Variants in AGBL4 observed in about 807,000 individuals in gnomAD.
AGBL4 encodes AGBL carboxypeptidase 4, also known as cytosolic carboxypeptidase 6.
AGBL4 carries 58 observed loss-of-function variants against 66.4 expected under a neutral mutation model. The ratio of observed to expected loss-of-function variants is 0.87; its 90% CI spans 0.71 to 1.09. The LOEUF (loss-of-function observed/expected upper bound fraction) is 1.09. Among genes scored for constraint, AGBL4 ranks in the 50% least tolerant of loss-of-function variants. The pLI is 0.00. For synonymous variants in AGBL4, 234 were observed against 222.9 expected (o/e 1.05, Z -0.44); for missense variants, 579 against 631.0 (o/e 0.92, Z 0.88).
At chr1:49,763,133 G>T (rs1464266232) in intron 2 of AGBL4, among the ~76,000 whole-genome samples, 1 of 152,170 alleles carries the variant, frequency 6.6e-6, no homozygotes, top group African/African-American at 2.4e-5. Context: ...TCCATAGATT[G>T]TCTTTTCCCA....
intron 2 of AGBL4, among the ~76,000 whole-genome samples, chr1:49,711,859 C>G: frequency 6.6e-6 from 1 of 151,930 alleles, no homozygotes; most frequent in East Asian, 1.9e-4. Flanking sequence ...ATAAGTATTA[C>G]GCACAGTATA....
At chr1:49,828,709 T>G (rs1645574846) in intron 2 of AGBL4, among the ~76,000 whole-genome samples, 1 of 152,224 alleles carries the variant, frequency 6.6e-6, no homozygotes, top group South Asian at 2.1e-4. Context: ...AGATGTGATT[T>G]GAATATTTAA....
chr1:49,587,884 C>T (rs1021299772), intron 3 of AGBL4, among the ~76,000 whole-genome samples: 3 of 151,952 alleles, frequency 2.0e-5, no homozygotes, highest in Non-Finnish European at 4.4e-5. Context: ...TAAACAAATA[C>T]ATTGAAATAA....
intron 6 of AGBL4, among the ~76,000 whole-genome samples, chr1:48,799,225 ATTCCTAAGTAT>A (rs1196100876): frequency 6.6e-6 from 1 of 151,514 alleles, no homozygotes. Flanking sequence ...TTGCAGAGAT[ATTCCTAAGTAT>A]TTTATTTTAT....
At chr1:48,982,778 C>T (rs187592898) in intron 5 of AGBL4, among the ~76,000 whole-genome samples, 1 of 152,182 alleles carries the variant, frequency 6.6e-6, no homozygotes, top group Non-Finnish European at 1.5e-5. Context: ...AATTGCCACA[C>T]TGACTTCCCC....
chr1:49,639,126 G>A (rs1227099745), intron 3 of AGBL4, among the ~76,000 whole-genome samples: 1 of 152,128 alleles, frequency 6.6e-6, no homozygotes, highest in African/African-American at 2.4e-5. Context: ...ACACATCCCT[G>A]TGAAGATACC....
chr1:49,958,773 A>C (rs78546252), intron 1 of AGBL4, among the ~76,000 whole-genome samples: 1 of 151,760 alleles, frequency 6.6e-6, no homozygotes, highest in East Asian at 1.9e-4. Flanking sequence ...AGCACACCAA[A>C]ATGGCACATG....
intron 3 of AGBL4, among the ~76,000 whole-genome samples, chr1:49,399,479 C>A (rs1251537228): frequency 6.6e-6 from 1 of 152,076 alleles, no homozygotes; most frequent in East Asian, 1.9e-4. Context: ...TGAGGGTTCC[C>A]TTTTCTCTAC....
chr1:49,633,469 C>T (rs1359680298), intron 3 of AGBL4, among the ~76,000 whole-genome samples: 2 of 152,020 alleles, frequency 1.3e-5, no homozygotes, highest in Admixed American at 1.3e-4. Context: ...AGATATAATA[C>T]AGTAAAGAAA....
intron 3 of AGBL4, among the ~76,000 whole-genome samples, chr1:49,669,770 C>T (rs1047238709): frequency 1.3e-5 from 2 of 152,028 alleles, no homozygotes; most frequent in Non-Finnish European, 2.9e-5. Context: ...ATCAACTTTA[C>T]AGGTATGTAA....
intron 3 of AGBL4, among the ~76,000 whole-genome samples, chr1:49,495,785 A>G (rs1380215035): frequency 1.3e-5 from 2 of 152,076 alleles, no homozygotes; most frequent in African/African-American, 4.8e-5. Context: ...AGGATCAAAA[A>G]TGTTCACATT....
chr1:48,617,778 C>T (rs974453004), intron 9 of AGBL4, among the ~76,000 whole-genome samples: 4 of 152,182 alleles, frequency 2.6e-5, no homozygotes, highest in African/African-American at 9.7e-5. Flanking sequence ...CCCTTGAGTA[C>T]CCTCTGCTTC....
chr1:49,718,575 C>T (rs923913902), intron 2 of AGBL4, among the ~76,000 whole-genome samples: 1 of 151,966 alleles, frequency 6.6e-6, no homozygotes, highest in African/African-American at 2.4e-5. Flanking sequence ...AATAATGGAT[C>T]TTTAATTGTG....
chr1:48,968,863 A>G (rs1161484651), intron 5 of AGBL4, among the ~76,000 whole-genome samples: 1 of 152,172 alleles, frequency 6.6e-6, no homozygotes, highest in Middle Eastern at 3.2e-3. Flanking sequence ...CAGCATCAAG[A>G]GAAACCAGGA....
intron 6 of AGBL4, among the ~76,000 whole-genome samples, chr1:48,758,189 A>C (rs1354903290): frequency 6.6e-6 from 1 of 152,226 alleles, no homozygotes; most frequent in Non-Finnish European, 1.5e-5. Flanking sequence ...TCCTAAGGTC[A>C]TGTGCCTCCC....
intron 1 of AGBL4, among the ~76,000 whole-genome samples, chr1:49,911,789 C>T (rs147732590): frequency 2.0e-5 from 3 of 152,288 alleles, no homozygotes; most frequent in Non-Finnish European, 4.4e-5. Flanking sequence ...CCATCTGCCA[C>T]GGGGTCCAAA....
intron 2 of AGBL4, among the ~76,000 whole-genome samples, chr1:49,705,449 G>T (rs1647191129): frequency 6.7e-6 from 1 of 149,458 alleles, no homozygotes; most frequent in Non-Finnish European, 1.5e-5. Flanking sequence ...GCCAGATGAG[G>T]GGATTTTCTA....
At position 49,245,257 on chromosome 1, in the gene AGBL4, TACACACACAC is replaced by T. The variant is rs139244286; in HGVS notation, c.377+503_377+512del. Among the ~76,000 whole-genome samples, 386 of 139,144 alleles carry T rather than the reference TACACACACAC, an allele frequency of 2.8e-3. 5 individuals carry two copies. The highest frequency in any genetic ancestry group is 9.3e-3 in the African/African-American group (347 of 37,472). The allele number at this position is 139,144 out of a possible 152,430, so 91.3% of individuals were successfully genotyped here. On this transcript the variant is annotated intron_variant, in intron 4 of 13. Coordinates refer to ENST00000371839, the MANE Select transcript of AGBL4 (RefSeq NM_032785.4). ...CAATGGTACAAATAGAACTTTAAAA[TACACACACAC>T]ACACACACACACACACACACACACA...
At chr1:48,816,626 G>T (rs1026500787) in intron 6 of AGBL4, among the ~76,000 whole-genome samples, 3 of 152,120 alleles carry the variant, frequency 2.0e-5, no homozygotes, top group Non-Finnish European at 4.4e-5. Context: ...AAGGATTATG[G>T]TAACTAGTCC....
Sources: gnomAD v4.1 joint callset for allele counts (sites outside exome capture counted in the v4.1 genomes callset) on GRCh38, gnomAD v4.1.1 for gene constraint, MANE v1.5 for transcripts, NCBI Gene and HGNC (gene_info 2026-07-23, HGNC 2026-07-21) for gene names.